The following CCND3 variants were observed in gnomAD, a reference collection of about 807,000 sequenced individuals.
CCND3 encodes the protein cyclin D3.
A neutral mutation model predicts 28.7 loss-of-function variants in CCND3; 9 were observed. The observed-to-expected ratio is 0.31, with a 90% CI of 0.19 to 0.55. The LOEUF is 0.55. Among genes scored for constraint, CCND3 ranks in the 20% least tolerant of loss-of-function variants. CCND3 has a pLI of 0.93. For synonymous variants in CCND3, 164 were observed against 163.9 expected (o/e 1.00, Z 0.00); for missense variants, 315 against 385.8 (o/e 0.82, Z 1.54).
intron 1 of CCND3, among the ~76,000 whole-genome samples, chr6:41,966,418 CA>C (rs779291372): frequency 2.8e-5 from 4 of 145,250 alleles, no homozygotes; most frequent in Non-Finnish European, 4.6e-5. Flanking sequence ...AACCCTGTCT[CA>C]AAAAAAAAAG....
At chr6:42,024,112 T>C (rs1763794284) in intron 1 of CCND3, among the ~76,000 whole-genome samples, 1 of 152,112 alleles carries the variant, frequency 6.6e-6, no homozygotes, top group African/African-American at 2.4e-5. Flanking sequence ...AGGTTAAGAA[T>C]GCACCCCATG....
At chr6:42,002,408 C>T (rs1249385834) in intron 1 of CCND3, among the ~76,000 whole-genome samples, 1 of 148,692 alleles carries the variant, frequency 6.7e-6, no homozygotes, top group Admixed American at 6.8e-5. Context: ...CCACTGCACT[C>T]CAGCCTGGGC....
intron 1 of CCND3, among the ~76,000 whole-genome samples, chr6:42,008,340 T>C (rs1170099886): frequency 6.6e-6 from 1 of 152,132 alleles, no homozygotes; most frequent in Non-Finnish European, 1.5e-5. Context: ...ATCATGCCGC[T>C]GCATTCCAGC....
chr6:41,980,440 T>A (rs565312579), intron 1 of CCND3, among the ~76,000 whole-genome samples: 2 of 152,258 alleles, frequency 1.3e-5, no homozygotes, highest in South Asian at 4.1e-4. Flanking sequence ...CTGGCCTTAC[T>A]GGAAAATTCT....
chr6:41,946,267 CT>C (rs990928260), upstream of CCND3, among the ~76,000 whole-genome samples: 3 of 151,908 alleles, frequency 2.0e-5, no homozygotes, highest in Admixed American at 6.6e-5. Flanking sequence ...GTGGTGAACC[CT>C]TTTTTAAAAA....
At chr6:41,987,507 CTCTCTCTCTCTGTGTGTGTGTGTG>C (rs1411777143) in intron 1 of CCND3, among the ~76,000 whole-genome samples, 908 of 63,214 alleles carry the variant, frequency 0.014, 10 homozygotes, top group African/African-American at 0.052. Context: ...CTCTCTCTCT[CTCTCTCTCTCTGTGTGTGTGTGTG>C]TGTGTGTGTG....
intron 1 of CCND3, among the ~76,000 whole-genome samples, chr6:42,006,254 A>G (rs1763172347): frequency 6.6e-6 from 1 of 151,950 alleles, no homozygotes; most frequent in African/African-American, 2.4e-5. Context: ...CAATAGATGT[A>G]GAAAAAGCAT....
chr6:41,962,802 GC>G (rs1761756626), intron 1 of CCND3, among the ~76,000 whole-genome samples: 1 of 152,148 alleles, frequency 6.6e-6, no homozygotes, highest in African/African-American at 2.4e-5. Flanking sequence ...CCAGGCTGGA[GC>G]GCCATGGCGC....
At chr6:41,988,755 G>C (rs1249725639) in intron 1 of CCND3, among the ~76,000 whole-genome samples, 1 of 147,740 alleles carries the variant, frequency 6.8e-6, no homozygotes, top group Non-Finnish European at 1.5e-5. Context: ...CTGGAGTGCA[G>C]TGGCGCGATG....
intron 1 of CCND3, among the ~76,000 whole-genome samples, chr6:42,034,769 C>T (rs1471984020): frequency 3.3e-5 from 5 of 152,116 alleles, no homozygotes; most frequent in Non-Finnish European, 7.4e-5. Flanking sequence ...TGAGCCATTG[C>T]GCCTGGCCGA....
At chr6:41,997,089 C>G (rs1762831121) in intron 1 of CCND3, among the ~76,000 whole-genome samples, 3 of 152,338 alleles carry the variant, frequency 2.0e-5, no homozygotes, top group African/African-American at 7.2e-5. Flanking sequence ...CCAGCCCACA[C>G]AACGGATGCA....
intron 1 of CCND3, among the ~76,000 whole-genome samples, chr6:42,019,713 C>T (rs4711698): frequency 0.76 from 116,081 of 151,882 alleles, 44,501 homozygotes; most frequent in East Asian, 0.93. Flanking sequence ...ATGATTGGGG[C>T]GGAATTTAAA....
At chr6:41,940,339 G>T (rs753742226) in intron 2 of CCND3, 31 bp downstream of exon 2, 4 of 1,549,240 alleles carry the variant, frequency 2.6e-6, no homozygotes, top group Admixed American at 1.7e-5. Context: ...GAGACAATAC[G>T]TGTCGGGGGT....
intron 1 of CCND3, among the ~76,000 whole-genome samples, chr6:42,042,415 C>T (rs558744113): frequency 6.6e-6 from 1 of 150,978 alleles, no homozygotes; most frequent in East Asian, 2.0e-4. Context: ...GACTGGAGTG[C>T]AATGGCGCGA....
chr6:41,936,832 G>T lies in CCND3; in HGVS notation c.575-137C>A. 1.2e-6 allele frequency: 1 copy of T among 817,118 alleles called. No homozygotes were observed. Among genetic ancestry groups the T allele is most frequent in the Non-Finnish European group, 1.9e-6 (1 of 520,710 alleles). The allele number at this position is 817,118 out of a possible 1,614,324, so 50.6% of individuals were successfully genotyped here. A position where few individuals can be genotyped will look rare whatever the true frequency, so the allele number is the denominator to read the frequency against. The stretch of plus-strand genomic sequence containing the variant: ...TGCTGGAAAACTCCAGCAGTGGGTG[G>T]GGCAAGATATCAGCAAGGGAGGAAG... On this transcript the variant is annotated intron_variant, in intron 3 of 4. Transcript: ENST00000372991. The surrounding 1 kb of genome is among the most constrained non-coding windows in gnomAD (Gnocchi z 4.4).
At chr6:42,029,285 G>A (rs1416935198) in intron 1 of CCND3, among the ~76,000 whole-genome samples, 2 of 151,716 alleles carry the variant, frequency 1.3e-5, no homozygotes, top group African/African-American at 2.4e-5. Flanking sequence ...GCCACTGCAC[G>A]CAGCCTTGAA....
At chr6:42,049,030 C>CTTCTTT (rs149265841), upstream of CCND3, 14,512 of 166,620 alleles carry the variant, frequency 0.087, 816 homozygotes, top group East Asian at 0.22. Context: ...TGAGGAGCGA[C>CTTCTTT]TTCTTTTTCT....
rs533017835 is a variant in CCND3 at position 42,030,540 on chromosome 6, C to T, written c.-46+17961G>A. On this transcript the variant is annotated intron_variant, in intron 1 of 4. Coordinates refer to the CCND3 transcript ENST00000372988. Reference sequence around the variant, plus strand: ...TGGGCTCCTGGAGGGCAAGGCCCACCCACAGTGAGGCTGACCAGATGTGCA... The same window carrying T: ...TGGGCTCCTGGAGGGCAAGGCCCACTCACAGTGAGGCTGACCAGATGTGCA... Among the ~76,000 whole-genome samples the T allele has an allele frequency of 5.9e-5, 9 of 152,248 alleles. No individual in the cohort carries two copies. In the East Asian group the frequency reaches 1.7e-3, roughly 29 times the overall value.
intron 1 of CCND3, among the ~76,000 whole-genome samples, chr6:42,012,613 A>C (rs1763374826): frequency 6.6e-6 from 1 of 152,098 alleles, no homozygotes; most frequent in African/African-American, 2.4e-5. Context: ...TAAATAAATA[A>C]ATAAAATAAA....
Sources: gnomAD v4.1 joint callset for allele counts (sites outside exome capture counted in the v4.1 genomes callset) on GRCh38, gnomAD v4.1.1 for gene constraint, Gnocchi (gnomAD v3.1) non-coding constraint, MANE v1.5 for transcripts, NCBI Gene and HGNC (gene_info 2026-07-23, HGNC 2026-07-21) for gene names.